The following IQCK variants were observed in gnomAD, a reference collection of about 807,000 sequenced individuals.
The protein encoded by IQCK is IQ domain-containing protein K.
In IQCK, 29 loss-of-function variants were observed where a neutral mutation model predicts 28.1. The observed-to-expected ratio is 1.03, with a 90% CI of 0.77 to 1.41. IQCK has a LOEUF of 1.41. Ranked by LOEUF, IQCK falls within the 40% of genes most tolerant of loss-of-function variation. IQCK has a pLI of 0.00. For missense variants in IQCK, 359 were observed against 314.7 expected, an observed-to-expected ratio of 1.14 and a Z score of -1.07; for synonymous variants, 113 against 115.1, an observed-to-expected ratio of 0.98 and a Z score of 0.12.
At chr16:19,766,082 CT>C (rs2055232573) in intron 6 of IQCK, 1 of 152,172 alleles carries the variant, frequency 6.6e-6, no homozygotes, top group Non-Finnish European at 1.5e-5. Flanking sequence ...AGAGCTCTTG[CT>C]TTAACGGGCA....
At chr16:19,731,465 C>T (rs1320674318) in intron 2 of IQCK, among the ~76,000 whole-genome samples, 2 of 152,172 alleles carry the variant, frequency 1.3e-5, no homozygotes, top group African/African-American at 2.4e-5. Context: ...TCCTTTTCTC[C>T]TAGCATCCTG....
intron 1 of IQCK, 71 bp from the exon 2 acceptor site, chr16:19,730,359 A>C (rs1406879979): frequency 1.7e-6 from 2 of 1,174,538 alleles, no homozygotes; most frequent in East Asian, 4.9e-5. Flanking sequence ...TGTTTTATTC[A>C]GGGAGAAGGA....
chr16:19,820,173 T>C (rs560156370), intron 7 of IQCK, among the ~76,000 whole-genome samples: 2 of 152,190 alleles, frequency 1.3e-5, no homozygotes, highest in East Asian at 3.9e-4. Context: ...TTGGCAATAA[T>C]TTTTTATCTA....
intron 6 of IQCK, among the ~76,000 whole-genome samples, chr16:19,776,011 A>T (rs1372385991): frequency 6.6e-6 from 1 of 150,706 alleles, no homozygotes; most frequent in African/African-American, 2.4e-5. Context: ...CCTCCCAAGT[A>T]GCTGGGCTAT....
At chr16:19,747,008 G>A (rs930238750) in intron 4 of IQCK, among the ~76,000 whole-genome samples, 2 of 152,194 alleles carry the variant, frequency 1.3e-5, no homozygotes, top group African/African-American at 2.4e-5. Flanking sequence ...GTCAGGCATC[G>A]TGGCTCATGG....
intron 7 of IQCK, among the ~76,000 whole-genome samples, chr16:19,824,011 A>G (rs1433647678): frequency 1.3e-5 from 2 of 152,210 alleles, no homozygotes; most frequent in Non-Finnish European, 2.9e-5. Flanking sequence ...ACCAGGGACC[A>G]GTTTCGTGGA....
At chr16:19,826,670 G>C (rs1388249466) in intron 7 of IQCK, among the ~76,000 whole-genome samples, 2 of 152,172 alleles carry the variant, frequency 1.3e-5, no homozygotes, top group African/African-American at 4.8e-5. Flanking sequence ...AAGCCACCGT[G>C]CCTGGCCAAG....
chr16:19,777,849 G>A (rs754491275), intron 6 of IQCK, among the ~76,000 whole-genome samples: 5 of 152,112 alleles, frequency 3.3e-5, no homozygotes, highest in Middle Eastern at 3.2e-3. Context: ...TCAGGAGTTC[G>A]AGAGCAGTCT....
At chr16:19,783,581 C>T (rs200009738) in intron 6 of IQCK, among the ~76,000 whole-genome samples, 2 of 152,250 alleles carry the variant, frequency 1.3e-5, no homozygotes, top group East Asian at 3.9e-4. Flanking sequence ...AAGCCAGTTG[C>T]ACTGATTCCA....
At chr16:19,754,455 C>T (rs755427122) in intron 4 of IQCK, among the ~76,000 whole-genome samples, 2 of 152,128 alleles carry the variant, frequency 1.3e-5, no homozygotes, top group African/African-American at 2.4e-5. Flanking sequence ...CTCCATGTAA[C>T]GTAAAATTTT....
intron 9 of IQCK, among the ~76,000 whole-genome samples, chr16:19,853,912 G>A (rs1253660291): frequency 6.6e-6 from 1 of 152,240 alleles, no homozygotes; most frequent in African/African-American, 2.4e-5. Flanking sequence ...ATAGGCGTGA[G>A]CCACTGTGCC....
intron 4 of IQCK, among the ~76,000 whole-genome samples, chr16:19,741,277 A>G (rs1186580596): frequency 1.3e-5 from 2 of 152,170 alleles, no homozygotes; most frequent in African/African-American, 4.8e-5. Context: ...GTGCATGTAT[A>G]TTCCATTGTG....
chr16:19,720,176 A>G (rs1977448333), intron 1 of IQCK, among the ~76,000 whole-genome samples: 1 of 152,074 alleles, frequency 6.6e-6, no homozygotes, highest in Non-Finnish European at 1.5e-5. Flanking sequence ...GTCTGTTTCA[A>G]CCCCATCCAG....
At chr16:19,728,236 A>C (rs1333813031) in intron 1 of IQCK, among the ~76,000 whole-genome samples, 1 of 152,050 alleles carries the variant, frequency 6.6e-6, no homozygotes, top group Admixed American at 6.6e-5. Context: ...GACCTCAACC[A>C]CAAGAAACTA....
At chr16:19,745,628 A>G (rs1331186330) in intron 4 of IQCK, among the ~76,000 whole-genome samples, 1 of 152,148 alleles carries the variant, frequency 6.6e-6, no homozygotes, top group African/African-American at 2.4e-5. Context: ...AATATAACCT[A>G]TTTATCAGTT....
intron 9 of IQCK, among the ~76,000 whole-genome samples, chr16:19,845,850 G>T (rs575514905): frequency 6.6e-6 from 1 of 152,036 alleles, no homozygotes; most frequent in Non-Finnish European, 1.5e-5. Flanking sequence ...TGAGGCGGGC[G>T]GATCACTTGA....
intron 9 of IQCK, among the ~76,000 whole-genome samples, chr16:19,840,261 C>T (rs985812388): frequency 2.6e-5 from 4 of 151,704 alleles, no homozygotes; most frequent in Non-Finnish European, 5.9e-5. Flanking sequence ...AAGGCTGAAG[C>T]AGGAGAATCG....
At chr16:19,848,575 G>A (rs1255597207) in intron 9 of IQCK, among the ~76,000 whole-genome samples, 3 of 152,202 alleles carry the variant, frequency 2.0e-5, no homozygotes, top group Non-Finnish European at 4.4e-5. Flanking sequence ...TGGGGGGAAA[G>A]GAAACCACAT....
At chr16:19,746,153 C>CAAAA (rs1163809152) in intron 4 of IQCK, among the ~76,000 whole-genome samples, 1 of 57,938 alleles carries the variant, frequency 1.7e-5, no homozygotes, top group African/African-American at 5.6e-5. Flanking sequence ...GACTATGTCT[C>CAAAA]AAAAAAAAAA....
Sources: allele counts gnomAD v4.1 joint callset (sites outside exome capture counted in the v4.1 genomes callset), GRCh38; gene constraint gnomAD v4.1.1; transcripts MANE v1.5; gene names NCBI Gene and HGNC (gene_info 2026-07-23, HGNC 2026-07-21).